The following PDE6C variants were observed in gnomAD, a reference collection of about 807,000 sequenced individuals.
PDE6C encodes the protein cone cGMP-specific 3',5'-cyclic phosphodiesterase subunit alpha'.
A neutral mutation model predicts 113.1 loss-of-function variants in PDE6C; 75 were observed. The ratio of observed to expected loss-of-function variants is 0.66; its 90% CI spans 0.55 to 0.80. The LOEUF (loss-of-function observed/expected upper bound fraction) is 0.80. Among genes scored for constraint, PDE6C ranks in the 30% least tolerant of loss-of-function variants. PDE6C has a pLI of 0.00. For synonymous variants in PDE6C, 375 were observed against 363.7 expected, an observed-to-expected ratio of 1.03 and a Z score of -0.35; for missense variants, 912 against 1,038.6, an observed-to-expected ratio of 0.88 and a Z score of 1.67.
intron 11 of PDE6C, among the ~76,000 whole-genome samples, chr10:93,639,407 A>G (rs1023186606): frequency 2.0e-5 from 3 of 152,242 alleles, no homozygotes; most frequent in African/African-American, 7.2e-5. Flanking sequence ...CCATGTGTCT[A>G]CTTGGCTATT....
rs1039497995 is a variant in PDE6C, at chr10:93,620,564, C to T, written c.481-68C>T. 10 of 1,476,736 alleles carry T rather than the reference C, an allele frequency of 6.8e-6. No individual in the cohort carries two copies. The African/African-American group carries it at 1.1e-4, about 16-fold the overall frequency. 91.5% of individuals were successfully genotyped at this position (1,476,736 alleles called of 1,614,324 possible). A position where few individuals can be genotyped will look rare whatever the true frequency, so the allele number is the denominator to read the frequency against. Reference sequence around the variant, plus strand: ...ATTTAAATGAGAGAGAATGATCTGTCATCATCCCTAGATCTACCACTCTAT... The same window carrying T: ...ATTTAAATGAGAGAGAATGATCTGTTATCATCCCTAGATCTACCACTCTAT... On this transcript the variant is annotated intron_variant, in intron 1 of 21. Transcript: ENST00000371447.
intron 18 of PDE6C, among the ~76,000 whole-genome samples, chr10:93,661,360 T>C (rs901226040): frequency 2.6e-5 from 4 of 152,200 alleles, no homozygotes; most frequent in African/African-American, 4.8e-5. Flanking sequence ...AAATTACTCT[T>C]GTTCTTCACA....
intron 1 of PDE6C, among the ~76,000 whole-genome samples, chr10:93,614,918 A>G (rs997965599): frequency 3.9e-5 from 6 of 151,928 alleles, no homozygotes; most frequent in Middle Eastern, 3.4e-3. Flanking sequence ...CGAGAAAGAG[A>G]CCTCATTGGT....
rs2058686788 is a variant in PDE6C, at chr10:93,665,657, A to C, written c.*239A>C. The C allele has an allele frequency of 1.9e-6, 1 of 520,704 alleles. No individual in the cohort carries two copies. Among genetic ancestry groups the C allele is most frequent in the East Asian group, 3.4e-5 (1 of 29,000 alleles). The allele number at this position is 520,704 out of a possible 1,614,324, so 32.3% of individuals were successfully genotyped here. A position where few individuals can be genotyped will look rare whatever the true frequency, so the allele number is the denominator to read the frequency against. ...GGTGCCAATTTATTTTAAATTAAAA[A>C]ATATGCAATCCTGAAACTAGTCACA... is the stretch of plus-strand genomic sequence containing the variant. On this transcript the variant is annotated 3_prime_UTR_variant, in exon 22 of 22. Coordinates refer to ENST00000371447, the MANE Select transcript of PDE6C (RefSeq NM_006204.4).
chr10:93,632,974 A>G (rs1365023712), intron 8 of PDE6C, among the ~76,000 whole-genome samples: 1 of 152,262 alleles, frequency 6.6e-6, no homozygotes, highest in African/African-American at 2.4e-5. Flanking sequence ...TAGAAAAATT[A>G]GAAAGGCTTC....
At chr10:93,646,154 G>A in intron 15 of PDE6C, 107 bp downstream of exon 15, 1 of 715,306 alleles carries the variant, frequency 1.4e-6, no homozygotes, top group Non-Finnish European at 2.6e-6. Context: ...GCAGTTGATA[G>A]TGTATACCCT....
intron 15 of PDE6C, among the ~76,000 whole-genome samples, chr10:93,652,190 T>C (rs1012678525): frequency 2.0e-5 from 3 of 152,162 alleles, no homozygotes; most frequent in Non-Finnish European, 4.4e-5. Flanking sequence ...AAAATGTATA[T>C]CAGAGATGGG....
At chr10:93,626,006 AC>A (rs1448094228) in intron 5 of PDE6C, among the ~76,000 whole-genome samples, 16 of 152,244 alleles carry the variant, frequency 1.1e-4, no homozygotes, top group Admixed American at 3.9e-4. Flanking sequence ...GGTTAGGTTT[AC>A]TTTCCCCCTT....
intron 8 of PDE6C, among the ~76,000 whole-genome samples, chr10:93,633,239 G>T (rs1451515969): frequency 6.6e-6 from 1 of 152,086 alleles, no homozygotes; most frequent in African/African-American, 2.4e-5. Context: ...GCTGAGGCGG[G>T]CGGATCACTT....
At chr10:93,641,389 T>C (rs1177239252) in intron 14 of PDE6C, among the ~76,000 whole-genome samples, 2 of 152,088 alleles carry the variant, frequency 1.3e-5, no homozygotes, top group Admixed American at 6.6e-5. Context: ...TCCCAGCACT[T>C]TGGGAGAGTG....
chr10:93,624,851 A>G (rs1358469970), intron 4 of PDE6C, among the ~76,000 whole-genome samples: 1 of 152,186 alleles, frequency 6.6e-6, no homozygotes, highest in African/African-American at 2.4e-5. Flanking sequence ...GGTCTCTGCT[A>G]CCTGCAGCGT....
At chr10:93,617,004 T>C (rs2058423250) in intron 1 of PDE6C, among the ~76,000 whole-genome samples, 1 of 152,198 alleles carries the variant, frequency 6.6e-6, no homozygotes, top group Admixed American at 6.5e-5. Context: ...GTCCATAAAC[T>C]ATGGGTGATC....
rs1298961147 is a variant in PDE6C, at chr10:93,626,632, T to C, written c.940-8T>C. The stretch of plus-strand genomic sequence containing the variant: ...CATTATTCCCATAATATCCTCTTTC[T>C]TTCTTAGGAAGTCAACTTTTATAAA... On this transcript the variant is annotated splice_region_variant and splice_polypyrimidine_tract_variant and intron_variant, in intron 5 of 21. Coordinates refer to ENST00000371447, the MANE Select transcript of PDE6C (RefSeq NM_006204.4). 1 of 1,447,856 alleles carries C rather than the reference T, an allele frequency of 6.9e-7. No individual in the cohort carries two copies. Among genetic ancestry groups the C allele is most frequent in the South Asian group, 1.1e-5 (1 of 87,066 alleles). The allele number at this position is 1,447,856 out of a possible 1,614,324, so 89.7% of individuals were successfully genotyped here.
intron 3 of PDE6C, among the ~76,000 whole-genome samples, 187 bp downstream of exon 3, chr10:93,621,167 C>A (rs188324521): frequency 3.1e-4 from 47 of 152,282 alleles, no homozygotes; most frequent in Admixed American, 1.1e-3. Flanking sequence ...CTCCCCTGCA[C>A]CCCAAGCTCT....
At chr10:93,618,095 G>A (rs559542516) in intron 1 of PDE6C, among the ~76,000 whole-genome samples, 1 of 152,110 alleles carries the variant, frequency 6.6e-6, no homozygotes, top group African/African-American at 2.4e-5. Flanking sequence ...CTGGAGGAAG[G>A]GTGCTCCGCG....
intron 21 of PDE6C, 132 bp from the exon 22 acceptor site, chr10:93,665,228 A>T: frequency 1.3e-6 from 1 of 773,442 alleles, no homozygotes; most frequent in Non-Finnish European, 2.3e-6. Context: ...TACATGGTCA[A>T]ACCCACAGTA....
intron 21 of PDE6C, 109 bp downstream of exon 21, chr10:93,663,287 A>G: frequency 9.7e-7 from 1 of 1,032,548 alleles, no homozygotes; most frequent in Non-Finnish European, 1.5e-6. Flanking sequence ...AACCTGCTTT[A>G]CTGGTGCAGA....
intron 1 of PDE6C, among the ~76,000 whole-genome samples, chr10:93,615,978 A>C (rs1274796800): frequency 6.6e-6 from 1 of 152,126 alleles, no homozygotes; most frequent in Non-Finnish European, 1.5e-5. Context: ...TGCCTACCTT[A>C]CACCCCTGCA....
chr10:93,628,109 C>T (rs2058482663), intron 7 of PDE6C, among the ~76,000 whole-genome samples: 1 of 152,214 alleles, frequency 6.6e-6, no homozygotes, highest in Non-Finnish European at 1.5e-5. Flanking sequence ...GCAACTGATA[C>T]AAGCCAAGGA....
Sources: allele counts gnomAD v4.1 joint callset (sites outside exome capture counted in the v4.1 genomes callset), GRCh38; gene constraint gnomAD v4.1.1; transcripts MANE v1.5; gene names NCBI Gene and HGNC (gene_info 2026-07-23, HGNC 2026-07-21).